The following CDHR1 variants were observed in gnomAD, a reference collection of about 807,000 sequenced individuals.
CDHR1 encodes cadherin related family member 1.
Under a neutral mutation model 72.1 loss-of-function variants are expected in CDHR1, and 61 were observed. The observed-to-expected ratio is 0.85, with a 90% confidence interval of 0.69 to 1.05. The LOEUF is 1.05. Among genes scored for constraint, CDHR1 ranks in the 50% least tolerant of loss-of-function variants. The pLI is 0.00. For synonymous variants in CDHR1, 470 were observed against 448.1 expected (o/e 1.05, Z -0.62); for missense variants, 1,186 against 1,115.7 (o/e 1.06, Z -0.90).
rs760563696 is a variant in CDHR1 at position 84,197,877 on chromosome 10, T to C, written c.348+41T>C. On this transcript the variant is annotated intron_variant, in intron 4 of 16. Transcript: ENST00000623527. ...AGGCAGTCCCTGGCAGCCTGCAGTA[T>C]TTGGGCCTGAGAAGGGTGAGGCTGG... 2.5e-6 allele frequency: 4 copies of C among 1,595,476 alleles called. No homozygotes were observed. The South Asian group carries it at 3.3e-5, about 13-fold the overall frequency.
At chr10:84,210,868 TG>T in intron 12 of CDHR1, 132 bp from the exon 13 acceptor site, 1 of 960,964 alleles carries the variant, frequency 1.0e-6, no homozygotes, top group Non-Finnish European at 1.7e-6. Context: ...CAGGAATAGC[TG>T]GTTGGCAGCT....
chr10:84,205,687 T>C (rs1265362234), intron 9 of CDHR1, 140 bp from the exon 10 acceptor site: 4 of 705,964 alleles, frequency 5.7e-6, no homozygotes, highest in Non-Finnish European at 1.0e-5. Flanking sequence ...CTGAGACTGT[T>C]TCCATGTTGA....
Position 84,201,025 on chromosome 10 carries a change from A to G in CDHR1, c.525+338A>G, listed in dbSNP as rs1391887818. Among the ~76,000 whole-genome samples the G allele has an allele frequency of 2.0e-5, 3 of 152,176 alleles. No individual in the cohort carries two copies. In the East Asian group the frequency reaches 5.8e-4, roughly 29 times the overall value. ...TGGTCAATAGAAAAAAGAGCAGAAG[A>G]GACAACACTCAAAAGAAGCAGAGCT... On this transcript the variant is annotated intron_variant, in intron 6 of 16. Transcript: ENST00000623527.
chr10:84,217,611 C>G lies in CDHR1; in HGVS notation c.*2990C>G. 2.0e-6 allele frequency: 2 copies of G among 985,462 alleles called. No individual in the cohort carries two copies. The highest frequency in any genetic ancestry group is 2.4e-6 in the Non-Finnish European group (2 of 829,952). 61.0% of individuals were successfully genotyped at this position (985,462 alleles called of 1,614,324 possible). ...AAAGTGCCTAGCACCGGCTTTGTAT[C>G]TACTTACACAAGCTCAGTAGACACT... On this transcript the variant is annotated 3_prime_UTR_variant, in exon 17 of 17. Transcript: ENST00000623527.
intron 8 of CDHR1, among the ~76,000 whole-genome samples, 168 bp downstream of exon 8, chr10:84,203,291 T>C (rs937320202): frequency 4.6e-5 from 7 of 152,240 alleles, no homozygotes; most frequent in African/African-American, 1.7e-4. Flanking sequence ...CTGGCCCTTT[T>C]GCCCCCAACT....
chr10:84,202,517 T>C (rs1249114010), intron 7 of CDHR1, among the ~76,000 whole-genome samples: 2 of 152,188 alleles, frequency 1.3e-5, no homozygotes, highest in African/African-American at 2.4e-5. Flanking sequence ...CTGCAGCCTG[T>C]ACCAGGAGGC....
At position 84,213,168 on chromosome 10, in the gene CDHR1, C is replaced by T. The variant is rs374261522; in HGVS notation, c.1860C>T (p.Phe620=). The change falls in exon 16 of 17, where the codon TTC becomes TTT. Residue 620 remains phenylalanine (F), a synonymous_variant. Coordinates refer to ENST00000623527, the MANE Select transcript of CDHR1 (RefSeq NM_033100.4). The stretch of plus-strand genomic sequence containing the variant: ...CCCATGCAGAGCCCGCCAACGTGTT[C>T]GACATCAATTCCCACACGGGGGAGA... ...SITHAEPANV[F]DINSHTGEIW... The T allele has an allele frequency of 5.0e-6, 8 of 1,614,114 alleles. No individual in the cohort carries two copies. The highest frequency in any genetic ancestry group is 4.4e-5 in the South Asian group (4 of 91,090).
At chr10:84,195,471 T>C (rs1842011952) in intron 1 of CDHR1, 23 bp from the exon 2 acceptor site, 15 of 1,606,874 alleles carry the variant, frequency 9.3e-6, no homozygotes, top group East Asian at 2.2e-5. Flanking sequence ...TGGGTGTCCG[T>C]CTGTTCTGTG....
At chr10:84,219,535 A>T (rs1040655682), downstream of CDHR1, 10 of 449,564 alleles carry the variant, frequency 2.2e-5, no homozygotes, top group Admixed American at 3.6e-4. Flanking sequence ...CATGATGGTG[A>T]CACCCTCAAG....
At chr10:84,206,295 C>A (rs569384967) in intron 10 of CDHR1, among the ~76,000 whole-genome samples, 1 of 150,324 alleles carries the variant, frequency 6.7e-6, no homozygotes, top group East Asian at 1.9e-4. Flanking sequence ...GAGGCCAGAG[C>A]AGAGAAAGAT....
In CDHR1 at chr10:84,214,956, A is replaced by G; in HGVS notation, c.*335A>G. 8.0e-7 allele frequency: 1 copy of G among 1,246,664 alleles called. No individual in the cohort carries two copies. The highest frequency in any genetic ancestry group is 1.0e-6 in the Non-Finnish European group (1 of 983,802). 77.2% of individuals were successfully genotyped at this position (1,246,664 alleles called of 1,614,324 possible). ...AGCCAGCTCACCCATCCCAGACCTCACAGTCCCTCAGGTTCTACTGGGATC... is the reference window on the plus strand; with the variant it reads ...AGCCAGCTCACCCATCCCAGACCTCGCAGTCCCTCAGGTTCTACTGGGATC... On this transcript the variant is annotated 3_prime_UTR_variant, in exon 17 of 17. Transcript: ENST00000623527.
chr10:84,203,125 T>C lies in CDHR1; in HGVS notation c.783+2T>C. The C allele has an allele frequency of 6.2e-7, 1 of 1,614,144 alleles. No individual in the cohort carries two copies. Among genetic ancestry groups the C allele is most frequent in the East Asian group, 2.2e-5 (1 of 44,866 alleles). On this transcript the variant is annotated splice_donor_variant, in intron 8 of 16. Coordinates refer to ENST00000623527, the MANE Select transcript of CDHR1 (RefSeq NM_033100.4). LOFTEE classifies it high-confidence loss of function. ...TATGTGTACGAGGACACCCTTCCGG[T>C]GGGTGGCTGTCCCCCTCAGCCAGCG...
At chr10:84,204,414 C>T (rs566737994) in intron 8 of CDHR1, 113 bp from the exon 9 acceptor site, 3 of 805,628 alleles carry the variant, frequency 3.7e-6, no homozygotes, top group Non-Finnish European at 6.7e-6. Flanking sequence ...ACGTAGAGGC[C>T]TGACCCTTTC....
chr10:84,219,201 C>A, downstream of CDHR1: 1 of 1,550,784 alleles, frequency 6.4e-7, no homozygotes, highest in Non-Finnish European at 8.7e-7. Flanking sequence ...ATCCCCACTG[C>A]GAAATTGCCT....
At chr10:84,219,164 C>G (rs193090673), downstream of CDHR1, 12 of 1,549,844 alleles carry the variant, frequency 7.7e-6, no homozygotes, top group Admixed American at 3.9e-5. Context: ...CCCAAGAAAC[C>G]ACATTCCAGC....
Position 84,214,696 on chromosome 10 carries a change from TCCTC to T in CDHR1, c.*76_*79del. The T allele has an allele frequency of 6.3e-7, 1 of 1,593,888 alleles. No homozygotes were observed. Among genetic ancestry groups the T allele is most frequent in the Middle Eastern group, 1.7e-4 (1 of 5,812 alleles). On this transcript the variant is annotated 3_prime_UTR_variant, in exon 17 of 17. Transcript: ENST00000623527. Reference sequence around the variant, plus strand: ...CCTGCTGCTCGGACTATGCTCCCCTTCCTCTGCTCCTTAAGGTCACTGACCCCTG... The same window carrying T: ...CCTGCTGCTCGGACTATGCTCCCCTTTGCTCCTTAAGGTCACTGACCCCTG...
intron 14 of CDHR1, 69 bp from the exon 15 acceptor site, chr10:84,212,110 C>T: frequency 7.4e-7 from 1 of 1,344,010 alleles, no homozygotes; most frequent in Non-Finnish European, 1.1e-6. Flanking sequence ...CTCATTATTG[C>T]AGGCATGTGT....
intron 13 of CDHR1, 27 bp downstream of exon 13, chr10:84,211,192 G>A: frequency 3.7e-6 from 6 of 1,613,168 alleles, no homozygotes; most frequent in Non-Finnish European, 5.1e-6. Context: ...CCCAGGGACT[G>A]GGTGGGATAG....
Position 84,214,302 on chromosome 10 carries a change from A to C in CDHR1, c.2261A>C (p.Glu754Ala), listed in dbSNP as rs748526145. The change falls in exon 17 of 17, where the codon GAG (glutamate) becomes GCG (alanine). Residue 754 changes from glutamate (E) to alanine (A), a missense_variant. Glu to Ala is a moderately radical substitution (Grantham distance 107, BLOSUM62 -1). Transcript: ENST00000623527. ...PSPAPRTIRI[E>A]WLKSKSTKAA... ...CCTGCGCCCCGCACCATCCGCATTG[A>C]GTGGCTCAAGTCCAAGAGCACCAAA... is the stretch of plus-strand genomic sequence containing the variant. 5 of 1,614,072 alleles carry C rather than the reference A, an allele frequency of 3.1e-6. No individual in the cohort carries two copies. In the South Asian group the frequency reaches 4.4e-5, roughly 14 times the overall value.
Sources: gnomAD v4.1 joint callset for allele counts (sites outside exome capture counted in the v4.1 genomes callset) on GRCh38, gnomAD v4.1.1 for gene constraint, MANE v1.5 for transcripts, NCBI Gene and HGNC (gene_info 2026-07-23, HGNC 2026-07-21) for gene names.